The following SVEP1 variants were observed in gnomAD, a reference collection of about 807,000 sequenced individuals.
The protein encoded by SVEP1 is sushi, von Willebrand factor type A, EGF and pentraxin domain containing 1.
Under a neutral mutation model 367.3 loss-of-function variants are expected in SVEP1, and 164 were observed. That is an observed-to-expected ratio of 0.45 (90% CI 0.39 to 0.51). The LOEUF is 0.51. SVEP1 is among the 20% of genes least tolerant of loss of function. The probability of loss-of-function intolerance (pLI) is 0.00; values close to 1 mark genes in which losing one functional copy is unlikely to be tolerated. For synonymous variants in SVEP1, 1,666 were observed against 1,611.6 expected (o/e 1.03, Z -0.81); for missense variants, 4,117 against 4,425.3 (o/e 0.93, Z 1.98).
intron 3 of SVEP1, among the ~76,000 whole-genome samples, chr9:110,519,812 T>A (rs976936374): frequency 6.6e-6 from 1 of 152,158 alleles, no homozygotes; most frequent in Non-Finnish European, 1.5e-5. Context: ...TCAAGACAAC[T>A]GAGTTGCAAT....
chr9:110,502,838 A>G lies in SVEP1; in HGVS notation c.1483+200T>C, dbSNP rs1465938789. Among the ~76,000 whole-genome samples, 3 of 152,262 alleles carry G rather than the reference A, an allele frequency of 2.0e-5. No homozygotes were observed. The East Asian group carries it at 5.8e-4, about 29-fold the overall frequency. On this transcript the variant is annotated intron_variant, in intron 6 of 47. Transcript: ENST00000374469. ...CTCTGTGAGTTAGAAAACAGAATTC[A>G]TTGTAGAAGTTCCTTTACTAGTGGA... is the stretch of plus-strand genomic sequence containing the variant.
chr9:110,446,794 A>T (rs1209926799), intron 25 of SVEP1, 106 bp downstream of exon 25: 2 of 977,982 alleles, frequency 2.0e-6, no homozygotes, highest in Non-Finnish European at 2.8e-6. Flanking sequence ...AGTGCTTGGC[A>T]TCGTTTTTGG....
At chr9:110,370,307 TCTC>T (rs1827257487) in intron 46 of SVEP1, among the ~76,000 whole-genome samples, 1 of 152,148 alleles carries the variant, frequency 6.6e-6, no homozygotes, top group Non-Finnish European at 1.5e-5. Flanking sequence ...ATTTTCCTCT[TCTC>T]TAATCTCTTT....
In SVEP1 at chr9:110,428,854, T is replaced by C. The variant is rs987553554; in HGVS notation, c.5807+289A>G. Among the ~76,000 whole-genome samples, 6 of 152,274 alleles carry C rather than the reference T, an allele frequency of 3.9e-5. No individual in the cohort carries two copies. The East Asian group carries it at 9.7e-4, about 24-fold the overall frequency. On this transcript the variant is annotated intron_variant, in intron 35 of 47. Transcript: ENST00000374469. ...GGGAGGTTGAGGCAGGTGGATTGCT[T>C]GAGCTCAAGAGTTCGAGACTAGTCT...
At chr9:110,508,287 A>G (rs1295387998) in intron 5 of SVEP1, among the ~76,000 whole-genome samples, 1 of 148,428 alleles carries the variant, frequency 6.7e-6, no homozygotes, top group Non-Finnish European at 1.5e-5. Context: ...TTAAAGACTA[A>G]TCAGATTTTT....
Position 110,407,640 on chromosome 9 carries a change from A to AATG in SVEP1, c.7957_7959dup (p.His2653dup). ...TCCCAGGTTTTAGCCACTGCTCCCA[A>AATG]ATGATAAGGAGGGTGAGGAGTCACA... On this transcript the variant is annotated inframe_insertion, in exon 38 of 48. Transcript: ENST00000374469. 1.9e-6 allele frequency: 3 copies of AATG among 1,613,994 alleles called. No individual in the cohort carries two copies. The highest frequency in any genetic ancestry group is 2.5e-6 in the Non-Finnish European group (3 of 1,179,870).
intron 40 of SVEP1, among the ~76,000 whole-genome samples, chr9:110,399,464 TG>T (rs1588033979): frequency 6.6e-6 from 1 of 152,158 alleles, no homozygotes; most frequent in East Asian, 1.9e-4. Flanking sequence ...ATTGTGCACA[TG>T]TACCCTAAAA....
At chr9:110,387,203 A>G (rs553797332) in intron 42 of SVEP1, 82 bp downstream of exon 42, 2 of 1,419,362 alleles carry the variant, frequency 1.4e-6, no homozygotes, top group African/African-American at 2.9e-5. Flanking sequence ...TTATGAGTGG[A>G]GCTTCCTCTA....
Position 110,496,877 on chromosome 9 carries a change from G to C in SVEP1, c.1738C>G (p.Gln580Glu), listed in dbSNP as rs1434243135. 1 of 1,557,860 alleles carries C rather than the reference G, an allele frequency of 6.4e-7. No homozygotes were observed. Residue 580 changes from glutamine to glutamate, a missense_variant, in exon 8 of 48, where the codon CAG becomes GAG. By Grantham distance (29) the Gln-to-Glu change is conservative. Around this residue, in one of 4 missense-constraint regions of SVEP1, gnomAD observed 2,174 missense variants for 2,494.3 expected, o/e 0.87. Coordinates refer to ENST00000374469, the MANE Select transcript of SVEP1 (RefSeq NM_153366.4). ...CAGGTAACATTGGCAGAATCTTGCT[G>C]TTCCAGAGTCTTAGCCTCTATGTCC... The part of the protein sequence containing the change: ...PKDIEAKTLE[Q>E]QDSANVTWQI...
chr9:110,431,850 C>G, intron 32 of SVEP1, 65 bp downstream of exon 32: 2 of 1,590,848 alleles, frequency 1.3e-6, no homozygotes, highest in Middle Eastern at 3.3e-4. Context: ...ATAACATACA[C>G]TTAAAATATG....
chr9:110,473,702 G>A (rs775596316), intron 14 of SVEP1, among the ~76,000 whole-genome samples: 4 of 152,080 alleles, frequency 2.6e-5, no homozygotes, highest in African/African-American at 9.6e-5. Flanking sequence ...AGATACCATC[G>A]GTTAGAAGAT....
At position 110,407,964 on chromosome 9, in the gene SVEP1, C is replaced by T; in HGVS notation, c.7636G>A (p.Val2546Ile). Residue 2546 changes from valine to isoleucine, a missense_variant, in exon 38 of 48, where the codon GTA becomes ATA. Val to Ile is a conservative substitution (Grantham distance 29). Coordinates refer to ENST00000374469, the MANE Select transcript of SVEP1 (RefSeq NM_153366.4). ...LTCLETGDWD[V>I]DAPSCNAIHC... ...ATGGCATTGCAAGATGGGGCATCTA[C>T]ATCCCAATCACCTGTCTCTAAACAG... 1 of 1,614,032 alleles carries T rather than the reference C, an allele frequency of 6.2e-7. No individual in the cohort carries two copies.
intron 14 of SVEP1, 75 bp from the exon 15 acceptor site, chr9:110,472,398 C>A (rs1476595370): frequency 3.5e-6 from 5 of 1,417,160 alleles, no homozygotes; most frequent in Non-Finnish European, 4.7e-6. Context: ...AATGTTAAGC[C>A]ACAAGTGAAA....
At chr9:110,528,478 T>C (rs955298458) in intron 3 of SVEP1, among the ~76,000 whole-genome samples, 2 of 152,004 alleles carry the variant, frequency 1.3e-5, no homozygotes, top group African/African-American at 4.8e-5. Context: ...TTTTATGTTT[T>C]GACTTTTTAA....
At chr9:110,467,393 T>A (rs1029953897) in intron 17 of SVEP1, among the ~76,000 whole-genome samples, 9 of 152,104 alleles carry the variant, frequency 5.9e-5, no homozygotes, top group Non-Finnish European at 8.8e-5. Context: ...TTCCATTAAT[T>A]GATGTGAGAT....
At chr9:110,384,863 C>T (rs1183841230) in intron 43 of SVEP1, among the ~76,000 whole-genome samples, 1 of 152,230 alleles carries the variant, frequency 6.6e-6, no homozygotes, top group Non-Finnish European at 1.5e-5. Context: ...TTACACTATG[C>T]AGCCTTGTGC....
At chr9:110,392,028 C>A (rs1291703482) in intron 40 of SVEP1, among the ~76,000 whole-genome samples, 1 of 151,474 alleles carries the variant, frequency 6.6e-6, no homozygotes, top group Non-Finnish European at 1.5e-5. Context: ...AGTTCTCAGA[C>A]CTTTGGACTT....
chr9:110,449,475 G>A lies in SVEP1; in HGVS notation c.4103+584C>T, dbSNP rs181616730. ...GCACATGTGGCTCATCTGAGGCCAGGAGTTCAAGACCAGCCTGGCCAACAT... is the reference window on the plus strand; with the variant it reads ...GCACATGTGGCTCATCTGAGGCCAGAAGTTCAAGACCAGCCTGGCCAACAT... On this transcript the variant is annotated intron_variant, in intron 24 of 47. Transcript: ENST00000374469. Among the ~76,000 whole-genome samples, 226 of 152,272 alleles carry A rather than the reference G, an allele frequency of 1.5e-3. 1 individual carries two copies. Among genetic ancestry groups the A allele is most frequent in the South Asian group, 2.5e-3 (12 of 4,818 alleles).
Position 110,386,070 on chromosome 9 carries a change from A to T in SVEP1, c.10065T>A (p.Asn3355Lys). Residue 3355 changes from asparagine (N) to lysine (K), a missense_variant, in exon 43 of 48, where the codon AAT becomes AAA. By Grantham distance (94) the Asn-to-Lys change is moderately conservative. Transcript: ENST00000374469. ...GAATCACAAAAGGAACAGGGCATGG[A>T]TTTGCTGTCAAAAAGAAAAGAAAAT... The part of the protein sequence containing the change: ...WSHPVPLCKP[N>K]PCPVPFVIPE... The T allele has an allele frequency of 6.2e-7, 1 of 1,602,614 alleles. No individual in the cohort carries two copies. The highest frequency in any genetic ancestry group is 8.5e-7 in the Non-Finnish European group (1 of 1,175,922).
Sources: allele counts gnomAD v4.1 joint callset (sites outside exome capture counted in the v4.1 genomes callset), GRCh38; gene constraint gnomAD v4.1.1; regional missense constraint gnomAD v4.1.1; transcripts MANE v1.5; gene names NCBI Gene and HGNC (gene_info 2026-07-23, HGNC 2026-07-21).